The following LRP6 variants were observed in gnomAD, a reference collection of about 807,000 sequenced individuals.
The protein encoded by LRP6 is LDL receptor related protein 6.
Under a neutral mutation model 184.1 loss-of-function variants are expected in LRP6, and 43 were observed. The observed-to-expected ratio is 0.23, with a 90% CI of 0.18 to 0.30. The LOEUF (loss-of-function observed/expected upper bound fraction) is 0.30. LRP6 is among the 10% of genes least tolerant of loss of function. The pLI, the probability that LRP6 is intolerant of heterozygous loss-of-function variation, is 1.00. For missense variants in LRP6, 1,571 were observed against 2,005.3 expected, an observed-to-expected ratio of 0.78 and a Z score of 4.14; for synonymous variants, 719 against 684.9, an observed-to-expected ratio of 1.05 and a Z score of -0.78.
chr12:12,192,626 T>C lies in LRP6; in HGVS notation c.648-5507A>G, dbSNP rs367995235. 8.5e-5 allele frequency among the ~76,000 whole-genome samples: 13 copies of C among 152,050 alleles called. No homozygotes were observed. The East Asian group carries it at 2.3e-3, about 27-fold the overall frequency. ...GCAGCTCTATCAGACAAAAAAGATTTTAAGTATAAAAAGGTAACTAGAGAT... is the reference window on the plus strand; with the variant it reads ...GCAGCTCTATCAGACAAAAAAGATTCTAAGTATAAAAAGGTAACTAGAGAT... On this transcript the variant is annotated intron_variant, in intron 3 of 22. Coordinates refer to ENST00000261349, the MANE Select transcript of LRP6 (RefSeq NM_002336.3).
rs1462682556 is a variant in LRP6 at position 12,120,382 on chromosome 12, G to A, written c.*744C>T. The stretch of plus-strand genomic sequence containing the variant: ...CAAAATGACTTACCAAGTTGCTGGA[G>A]GAGGCAGCAAGGTAAACATACCTAG... On this transcript the variant is annotated 3_prime_UTR_variant, in exon 23 of 23. Coordinates refer to ENST00000261349, the MANE Select transcript of LRP6 (RefSeq NM_002336.3). The A allele has an allele frequency of 6.6e-6, 1 of 152,026 alleles. No individual in the cohort carries two copies. Among genetic ancestry groups the A allele is most frequent in the Admixed American group, 6.5e-5 (1 of 15,270 alleles). 9.4% of individuals were successfully genotyped at this position (152,026 alleles called of 1,614,324 possible).
intron 3 of LRP6, among the ~76,000 whole-genome samples, chr12:12,202,630 A>G (rs1338530718): frequency 6.6e-6 from 1 of 152,260 alleles, no homozygotes; most frequent in African/African-American, 2.4e-5. Context: ...TTTAAACTAC[A>G]GTAGCAGAAG....
At position 12,131,900 on chromosome 12, in the gene LRP6, A is replaced by C; in HGVS notation, c.3891T>G (p.Ser1297Arg). 14 of 1,614,224 alleles carry C rather than the reference A, an allele frequency of 8.7e-6. No homozygotes were observed. The highest frequency in any genetic ancestry group is 1.2e-5 in the Non-Finnish European group (14 of 1,180,034). Reference protein sequence around the residue: ...VCSESQFQCASGQCIDGALRC... With the variant: ...VCSESQFQCARGQCIDGALRC... The stretch of plus-strand genomic sequence containing the variant: ...GGAGGGCACCATCAATACACTGCCC[A>C]CTGGCACACTGGAACTGGGACTCTG... Residue 1297 changes from serine (S) to arginine (R), a missense_variant, in exon 18 of 23, where the codon AGT (serine) becomes AGG (arginine). Physicochemically the swap from Ser to Arg is moderately radical, Grantham distance 110. Around this residue, in one of 4 missense-constraint regions of LRP6, gnomAD observed 763 missense variants for 859.5 expected, o/e 0.89. Coordinates refer to ENST00000261349, the MANE Select transcript of LRP6 (RefSeq NM_002336.3).
At chr12:12,140,148 A>T (rs1427032398) in intron 15 of LRP6, among the ~76,000 whole-genome samples, 1 of 152,112 alleles carries the variant, frequency 6.6e-6, no homozygotes, top group African/African-American at 2.4e-5. Context: ...CAACAAAGGA[A>T]CTTGGAGAAA....
chr12:12,234,594 A>G lies in LRP6; in HGVS notation c.449+9668T>C, dbSNP rs1408954793. On this transcript the variant is annotated intron_variant, in intron 2 of 22. Transcript: ENST00000261349. Reference sequence around the variant, plus strand: ...ATGCCTGTAATTCCAGCACTCTGAGAGGCTGAGGTGGGTGAATCACGAGGT... The same window carrying G: ...ATGCCTGTAATTCCAGCACTCTGAGGGGCTGAGGTGGGTGAATCACGAGGT... Among the ~76,000 whole-genome samples the G allele has an allele frequency of 2.0e-5, 3 of 152,122 alleles. No homozygotes were observed. The East Asian group carries it at 5.8e-4, about 29-fold the overall frequency.
intron 12 of LRP6, chr12:12,155,230 C>T (rs529031361): frequency 9.7e-5 from 68 of 702,160 alleles, no homozygotes; most frequent in South Asian, 9.2e-4. Context: ...AGTCTTTCAG[C>T]CAGAACTGCC....
At chr12:12,263,536 G>A (rs1305642545) in intron 1 of LRP6, among the ~76,000 whole-genome samples, 1 of 129,122 alleles carries the variant, frequency 7.7e-6, no homozygotes, top group Non-Finnish European at 1.6e-5. Context: ...GGGCAACAGA[G>A]CAAGAATCCG....
chr12:12,258,836 T>C (rs1865538868), intron 1 of LRP6, among the ~76,000 whole-genome samples: 1 of 152,202 alleles, frequency 6.6e-6, no homozygotes, highest in Admixed American at 6.5e-5. Context: ...CTTGCAGTCC[T>C]TTACTTGTAG....
At chr12:12,226,240 T>C (rs970906752) in intron 2 of LRP6, among the ~76,000 whole-genome samples, 6 of 152,232 alleles carry the variant, frequency 3.9e-5, no homozygotes, top group Admixed American at 1.3e-4. Flanking sequence ...ACAAAAGGCC[T>C]ATATATCACA....
intron 3 of LRP6, among the ~76,000 whole-genome samples, chr12:12,189,338 A>T (rs1863555711): frequency 1.3e-5 from 2 of 152,166 alleles, no homozygotes; most frequent in Non-Finnish European, 2.9e-5. Flanking sequence ...TTGCTACTTA[A>T]CACTTTCGTT....
Position 12,233,394 on chromosome 12 carries a change from G to A in LRP6, c.449+10868C>T, listed in dbSNP as rs372603286. Among the ~76,000 whole-genome samples, 10 of 152,280 alleles carry A rather than the reference G, an allele frequency of 6.6e-5. No homozygotes were observed. The East Asian group carries it at 1.7e-3, about 26-fold the overall frequency. On this transcript the variant is annotated intron_variant, in intron 2 of 22. Transcript: ENST00000261349. ...GAGACAGGAGAATGGCGTGAACCCG[G>A]GAGGCGGAGGTTGCAGTGAGCCAAG...
intron 19 of LRP6, among the ~76,000 whole-genome samples, chr12:12,128,655 T>C (rs567477079): frequency 2.4e-4 from 37 of 152,314 alleles, no homozygotes; most frequent in African/African-American, 8.9e-4. Flanking sequence ...TAATAAAAAG[T>C]GATGGGGCTT....
intron 8 of LRP6, 124 bp downstream of exon 8, chr12:12,164,955 A>AAAAAAAAAAAAAAAAAAAAAAAT: frequency 1.9e-6 from 1 of 528,570 alleles, no homozygotes; most frequent in Non-Finnish European, 3.3e-6. Flanking sequence ...AAAAAAAAAA[A>AAAAAAAAAAAAAAAAAAAAAAAT]GGCGGGGGGG....
At chr12:12,160,054 A>T in intron 10 of LRP6, 90 bp from the exon 11 acceptor site, 2 of 942,118 alleles carry the variant, frequency 2.1e-6, no homozygotes, top group Non-Finnish European at 3.1e-6. Flanking sequence ...AAATAAATTT[A>T]AAGAAAACAT....
At chr12:12,173,285 T>C (rs932574011) in intron 7 of LRP6, among the ~76,000 whole-genome samples, 8 of 152,184 alleles carry the variant, frequency 5.3e-5, no homozygotes, top group African/African-American at 1.4e-4. Context: ...AAGATTAACA[T>C]GTCAACAAGG....
chr12:12,179,361 A>AAGATATAGATATAGATATAGATAT (rs71061019), intron 7 of LRP6, among the ~76,000 whole-genome samples: 5 of 83,790 alleles, frequency 6.0e-5, no homozygotes, highest in Admixed American at 3.1e-4. Context: ...ACAGCAATAA[A>AAGATATAGATATAGATATAGATAT]AGATATAGAT....
chr12:12,192,476 G>C (rs1447612964), intron 3 of LRP6, among the ~76,000 whole-genome samples: 1 of 151,350 alleles, frequency 6.6e-6, no homozygotes, highest in Non-Finnish European at 1.5e-5. Context: ...AAAGGCAAAG[G>C]CTGTTAGACT....
chr12:12,254,115 G>T (rs1865399001), intron 1 of LRP6, among the ~76,000 whole-genome samples: 1 of 127,978 alleles, frequency 7.8e-6, no homozygotes, highest in Admixed American at 1.0e-4. Context: ...TTGCACTCCA[G>T]CCTGGGTGAC....
Position 12,119,266 on chromosome 12 carries a change from C to G in LRP6, c.*1860G>C, listed in dbSNP as rs1359986221. On this transcript the variant is annotated 3_prime_UTR_variant, in exon 23 of 23. Transcript: ENST00000261349. Reference sequence around the variant, plus strand: ...TTAACTTGCATGAACAGTTACTTCACCCTTGCCCAAATTCTGAATCCTTTC... The same window carrying G: ...TTAACTTGCATGAACAGTTACTTCAGCCTTGCCCAAATTCTGAATCCTTTC... 6.6e-6 allele frequency: 1 copy of G among 152,134 alleles called. No homozygotes were observed. The highest frequency in any genetic ancestry group is 1.5e-5 in the Non-Finnish European group (1 of 68,028). 9.4% of individuals were successfully genotyped at this position (152,134 alleles called of 1,614,324 possible).
Sources: gnomAD v4.1 joint callset for allele counts (sites outside exome capture counted in the v4.1 genomes callset) on GRCh38, gnomAD v4.1.1 for gene constraint, gnomAD v4.1.1 regional missense constraint, MANE v1.5 for transcripts, NCBI Gene and HGNC (gene_info 2026-07-23, HGNC 2026-07-21) for gene names.